Variants in CACNA2D1 observed in about 807,000 individuals in gnomAD.
The protein encoded by CACNA2D1 is calcium voltage-gated channel auxiliary subunit alpha2delta 1.
In CACNA2D1, 53 loss-of-function variants were observed where a neutral mutation model predicts 171.5. The observed-to-expected ratio is 0.31, with a 90% CI of 0.25 to 0.39. CACNA2D1 has a LOEUF of 0.39. CACNA2D1 is among the 10% of genes least tolerant of loss of function. CACNA2D1 has a pLI of 1.00. For missense variants in CACNA2D1, 903 were observed against 1,299.8 expected (o/e 0.69, Z 4.69); for synonymous variants, 442 against 443.1 (o/e 1.00, Z 0.03).
At position 82,406,604 on chromosome 7, in the gene CACNA2D1, A is replaced by G. The variant is rs547686491; in HGVS notation, c.95+36761T>C. 3.3e-3 allele frequency among the ~76,000 whole-genome samples: 510 copies of G among 152,306 alleles called. 2 individuals are homozygous for G. Among genetic ancestry groups the G allele is most frequent in the African/African-American group, 0.012 (490 of 41,564 alleles). ...GCCATTCTAACTGGTGTGAGATGGT[A>G]TCTCATTGTGGTTTTGATTTGCATT... On this transcript the variant is annotated intron_variant, in intron 1 of 38. Coordinates refer to ENST00000356860, the MANE Select transcript of CACNA2D1 (RefSeq NM_000722.4).
chr7:82,017,361 G>T (rs746520753), intron 12 of CACNA2D1, among the ~76,000 whole-genome samples: 1 of 151,970 alleles, frequency 6.6e-6, no homozygotes. Flanking sequence ...GTACATTTTA[G>T]CTAATTACAT....
chr7:82,184,897 A>G (rs117647946), intron 3 of CACNA2D1, among the ~76,000 whole-genome samples: 6,026 of 152,316 alleles, frequency 0.04, 136 homozygotes, highest in Middle Eastern at 0.12. Context: ...GAAATTATCT[A>G]TATTTCCTAC....
At chr7:82,037,253 TG>T (rs1168678768) in intron 11 of CACNA2D1, among the ~76,000 whole-genome samples, 1 of 151,916 alleles carries the variant, frequency 6.6e-6, no homozygotes, top group Non-Finnish European at 1.5e-5. Flanking sequence ...CCAAGGCGGG[TG>T]GATCACCTGG....
intron 6 of CACNA2D1, among the ~76,000 whole-genome samples, chr7:82,094,663 T>G (rs1811647885): frequency 7.0e-6 from 1 of 142,038 alleles, no homozygotes; most frequent in African/African-American, 2.7e-5. Flanking sequence ...CATTCACAAC[T>G]CAATATCCCA....
chr7:81,982,753 T>C, intron 23 of CACNA2D1, 126 bp from the exon 24 acceptor site: 1 of 747,182 alleles, frequency 1.3e-6, no homozygotes, highest in Non-Finnish European at 2.5e-6. Context: ...ACTTACATCC[T>C]AAAATTGAAA....
intron 1 of CACNA2D1, among the ~76,000 whole-genome samples, chr7:82,381,468 C>T (rs532425183): frequency 3.3e-5 from 5 of 152,192 alleles, no homozygotes; most frequent in South Asian, 4.2e-4. Flanking sequence ...GTTTAAAAGA[C>T]ATTCCTCTGT....
intron 6 of CACNA2D1, among the ~76,000 whole-genome samples, chr7:82,108,407 TC>T (rs1787992390): frequency 6.6e-6 from 1 of 152,118 alleles, no homozygotes; most frequent in Admixed American, 6.6e-5. Flanking sequence ...ACCAACCCTT[TC>T]AGATTGAGGC....
intron 4 of CACNA2D1, among the ~76,000 whole-genome samples, chr7:82,168,291 G>A (rs1274909214): frequency 6.6e-6 from 1 of 151,892 alleles, no homozygotes; most frequent in Non-Finnish European, 1.5e-5. Context: ...TTACAGGCAT[G>A]CACCACCACG....
At chr7:81,951,979 T>TTTTTTG (rs1365041578) in intron 38 of CACNA2D1, among the ~76,000 whole-genome samples, 2 of 149,014 alleles carry the variant, frequency 1.3e-5, no homozygotes, top group Non-Finnish European at 3.0e-5. Context: ...GTTTTTTTTT[T>TTTTTTG]TTTTTTTTTT....
In CACNA2D1 at chr7:81,950,523, A is replaced by C. The variant is rs1562760135; in HGVS notation, c.3160-15T>G. 6.2e-7 allele frequency: 1 copy of C among 1,601,916 alleles called. No individual in the cohort carries two copies. Among genetic ancestry groups the C allele is most frequent in the South Asian group, 1.1e-5 (1 of 88,638 alleles). ...GTATAATCCTCCTGTTGTTAAAAAA[A>C]AAAGAAAAGAACAGAAAAAGAAAAA... On this transcript the variant is annotated splice_polypyrimidine_tract_variant and intron_variant, in intron 38 of 38. Transcript: ENST00000356860.
chr7:82,386,849 C>A (rs542597680), intron 1 of CACNA2D1, among the ~76,000 whole-genome samples: 2 of 151,748 alleles, frequency 1.3e-5, no homozygotes, highest in Admixed American at 1.3e-4. Context: ...TGCCCTACAT[C>A]CATTTAAAGA....
chr7:82,324,798 T>C (rs936408974), intron 3 of CACNA2D1, among the ~76,000 whole-genome samples: 36 of 152,146 alleles, frequency 2.4e-4, no homozygotes, highest in Admixed American at 1.9e-3. Flanking sequence ...CTATTATTTA[T>C]TAAGTGGAAG....
At chr7:82,287,000 T>G (rs1810874433) in intron 3 of CACNA2D1, among the ~76,000 whole-genome samples, 1 of 152,196 alleles carries the variant, frequency 6.6e-6, no homozygotes, top group East Asian at 1.9e-4. Flanking sequence ...CACGCACAGA[T>G]TTAAAGAGTA....
intron 28 of CACNA2D1, 72 bp downstream of exon 28, chr7:81,969,809 G>C: frequency 1.2e-6 from 1 of 817,864 alleles, no homozygotes. Flanking sequence ...GTGATTTGGG[G>C]GGAGAGCAGA....
At chr7:81,956,845 G>GTAAATGAATAAC (rs1554325692) in intron 38 of CACNA2D1, among the ~76,000 whole-genome samples, 1 of 151,350 alleles carries the variant, frequency 6.6e-6, no homozygotes, top group East Asian at 1.9e-4. Context: ...TTGCAAAACA[G>GTAAATGAATAAC]TAAATGAAGA....
intron 1 of CACNA2D1, among the ~76,000 whole-genome samples, chr7:82,392,555 A>T (rs938512819): frequency 6.6e-5 from 10 of 151,976 alleles, no homozygotes; most frequent in Admixed American, 3.3e-4. Context: ...GGCAAGGCCC[A>T]GTGGGCTGAG....
At chr7:82,426,952 T>C (rs1829251846) in intron 1 of CACNA2D1, among the ~76,000 whole-genome samples, 1 of 152,114 alleles carries the variant, frequency 6.6e-6, no homozygotes. Context: ...TTGTTATAAC[T>C]GTTCCATTTT....
At chr7:82,074,976 T>A (rs1808785779) in intron 7 of CACNA2D1, among the ~76,000 whole-genome samples, 1 of 152,096 alleles carries the variant, frequency 6.6e-6, no homozygotes, top group Non-Finnish European at 1.5e-5. Context: ...ACCCGTCATC[T>A]ACATTAGGTA....
chr7:82,091,120 T>C (rs1811106385), intron 6 of CACNA2D1, among the ~76,000 whole-genome samples: 1 of 152,166 alleles, frequency 6.6e-6, no homozygotes, highest in Non-Finnish European at 1.5e-5. Context: ...ACAGTGTGCA[T>C]AAATATTAAA....
Sources: gnomAD v4.1 joint callset for allele counts (sites outside exome capture counted in the v4.1 genomes callset) on GRCh38, gnomAD v4.1.1 for gene constraint, MANE v1.5 for transcripts, NCBI Gene and HGNC (gene_info 2026-07-23, HGNC 2026-07-21) for gene names.